The following LYPLAL1 variants were observed in gnomAD, a reference collection of about 807,000 sequenced individuals.
The protein encoded by LYPLAL1 is lysophospholipase-like protein 1.
Under a neutral mutation model 19.7 loss-of-function variants are expected in LYPLAL1, and 23 were observed. The observed-to-expected ratio is 1.17, with a 90% CI of 0.84 to 1.65. The LOEUF (loss-of-function observed/expected upper bound fraction) is 1.65, where lower values mean the gene tolerates loss of function less well. Ranked by LOEUF, LYPLAL1 falls within the 40% of genes most tolerant of loss-of-function variation. The probability of loss-of-function intolerance (pLI) is 0.00; values close to 1 mark genes in which losing one functional copy is unlikely to be tolerated. For synonymous variants in LYPLAL1, 119 were observed against 96.3 expected (o/e 1.24, Z -1.38); for missense variants, 355 against 279.4 (o/e 1.27, Z -1.93).
intron 2 of LYPLAL1, among the ~76,000 whole-genome samples, chr1:219,185,739 TG>T (rs1420726144): frequency 1.3e-5 from 2 of 151,910 alleles, no homozygotes; most frequent in African/African-American, 2.4e-5. Context: ...GGCATAATGC[TG>T]GATATTAACT....
chr1:219,427,482 G>A, the LYPLAL1 span, among the ~76,000 whole-genome samples: 1 of 152,218 alleles, frequency 6.6e-6, no homozygotes, highest in Admixed American at 6.5e-5. Context: ...TTTCTTAAAT[G>A]TAAAATGTAC....
the LYPLAL1 span, among the ~76,000 whole-genome samples, chr1:219,369,125 T>A: frequency 3.9e-5 from 6 of 152,300 alleles, no homozygotes; most frequent in South Asian, 1.2e-3. Context: ...CATAACAGGC[T>A]CAGACATGTA....
chr1:219,206,626 A>G (rs1364466519), intron 3 of LYPLAL1, among the ~76,000 whole-genome samples: 1 of 152,012 alleles, frequency 6.6e-6, no homozygotes, highest in Admixed American at 6.5e-5. Flanking sequence ...TCTTCATTGT[A>G]ACTTAAGAGA....
the LYPLAL1 span, among the ~76,000 whole-genome samples, chr1:219,235,490 A>G: frequency 2.6e-5 from 4 of 152,204 alleles, no homozygotes; most frequent in Non-Finnish European, 2.9e-5. Flanking sequence ...CTTGACATCA[A>G]TGCACTTTTA....
At chr1:219,268,778 G>A in the LYPLAL1 span, among the ~76,000 whole-genome samples, 1 of 152,156 alleles carries the variant, frequency 6.6e-6, no homozygotes, top group Non-Finnish European at 1.5e-5. Context: ...TTATTCTGTA[G>A]TCACTCATCC....
At chr1:219,377,690 A>G in the LYPLAL1 span, among the ~76,000 whole-genome samples, 1 of 152,110 alleles carries the variant, frequency 6.6e-6, no homozygotes, top group Non-Finnish European at 1.5e-5. Context: ...TGTAAATCAA[A>G]TTATTATAAA....
At chr1:219,331,090 G>T in the LYPLAL1 span, among the ~76,000 whole-genome samples, 1 of 152,198 alleles carries the variant, frequency 6.6e-6, no homozygotes, top group South Asian at 2.1e-4. Context: ...TGTCATTTGT[G>T]CTCTTGCCAG....
At chr1:219,379,232 A>G in the LYPLAL1 span, among the ~76,000 whole-genome samples, 2 of 152,158 alleles carry the variant, frequency 1.3e-5, no homozygotes, top group African/African-American at 4.8e-5. Flanking sequence ...CATTGCTCCA[A>G]CTTGGTTGCT....
the LYPLAL1 span, among the ~76,000 whole-genome samples, chr1:219,444,908 G>T: frequency 4.6e-5 from 7 of 151,908 alleles, no homozygotes; most frequent in Admixed American, 1.3e-4. Context: ...TCAATGATGG[G>T]CAACCTAAAA....
chr1:219,430,183 A>T, the LYPLAL1 span, among the ~76,000 whole-genome samples: 7 of 150,126 alleles, frequency 4.7e-5, no homozygotes, highest in East Asian at 1.4e-3. Context: ...AGTCTTAGCT[A>T]CTCCAGAGGC....
At chr1:219,327,096 C>G in the LYPLAL1 span, among the ~76,000 whole-genome samples, 1 of 152,164 alleles carries the variant, frequency 6.6e-6, no homozygotes, top group African/African-American at 2.4e-5. Flanking sequence ...GACCCCGTCT[C>G]AAAAAACAAA....
the LYPLAL1 span, among the ~76,000 whole-genome samples, chr1:219,395,322 TG>T: frequency 6.6e-6 from 1 of 152,226 alleles, no homozygotes; most frequent in African/African-American, 2.4e-5. Context: ...CCATTCTGAC[TG>T]GTGTGAGAGG....
chr1:219,217,143 A>G (rs1368250714), downstream of LYPLAL1, among the ~76,000 whole-genome samples: 5 of 152,132 alleles, frequency 3.3e-5, no homozygotes, highest in East Asian at 9.6e-4. Context: ...TATCTTGACC[A>G]TATTCTGTGC....
chr1:219,178,355 C>A (rs969635391), intron 1 of LYPLAL1, among the ~76,000 whole-genome samples: 1 of 152,122 alleles, frequency 6.6e-6, no homozygotes, highest in Non-Finnish European at 1.5e-5. Context: ...GGACTCTATT[C>A]CTCCCTCACC....
chr1:219,194,598 T>G (rs1284602099), intron 3 of LYPLAL1, among the ~76,000 whole-genome samples: 1 of 152,008 alleles, frequency 6.6e-6, no homozygotes, highest in Non-Finnish European at 1.5e-5. Flanking sequence ...AACTAATAGC[T>G]TTTCAAAGCC....
chr1:219,211,147 A>G (rs971867848), intron 4 of LYPLAL1, among the ~76,000 whole-genome samples: 2 of 152,098 alleles, frequency 1.3e-5, no homozygotes, highest in African/African-American at 4.8e-5. Flanking sequence ...TGTCCCCTTG[A>G]TTGTGCCTTA....
chr1:219,217,853 T>G (rs1490062415), downstream of LYPLAL1, among the ~76,000 whole-genome samples: 3 of 151,858 alleles, frequency 2.0e-5, no homozygotes, highest in Non-Finnish European at 4.4e-5. Flanking sequence ...CTTACATGAG[T>G]GAGGAGAAAT....
the LYPLAL1 span, among the ~76,000 whole-genome samples, chr1:219,379,001 A>G: frequency 6.6e-6 from 1 of 152,168 alleles, no homozygotes; most frequent in African/African-American, 2.4e-5. Context: ...TACTATTTCA[A>G]TTTTTGCTTG....
At chr1:219,272,588 T>G in the LYPLAL1 span, 1 of 152,120 alleles carries the variant, frequency 6.6e-6, no homozygotes, top group Non-Finnish European at 1.5e-5. Flanking sequence ...CTGGCCAATA[T>G]GGTGAAACCC....
Sources: gnomAD v4.1 joint callset for allele counts (sites outside exome capture counted in the v4.1 genomes callset) on GRCh38, gnomAD v4.1.1 for gene constraint, MANE v1.5 for transcripts, NCBI Gene and HGNC (gene_info 2026-07-23, HGNC 2026-07-21) for gene names.